The following C1QBP variants were observed in gnomAD, a reference collection of about 807,000 sequenced individuals.
C1QBP encodes the protein complement C1q binding protein, also known as complement component 1 Q subcomponent-binding protein, mitochondrial.
In C1QBP, 24 loss-of-function variants were observed where a neutral mutation model predicts 29.4. That is an observed-to-expected ratio of 0.82 (90% CI 0.59 to 1.15). The LOEUF (loss-of-function observed/expected upper bound fraction) is 1.15, where lower values mean the gene tolerates loss of function less well. Among genes scored for constraint, C1QBP ranks in the 50% most tolerant of loss-of-function variants. The probability of loss-of-function intolerance (pLI) is 0.00; values close to 1 mark genes in which losing one functional copy is unlikely to be tolerated. For missense variants in C1QBP, 337 were observed against 355.8 expected (o/e 0.95, Z 0.43); for synonymous variants, 182 against 149.2 (o/e 1.22, Z -1.60).
intron 3 of C1QBP, 60 bp downstream of exon 3, chr17:5,434,813 C>G (rs1313597690): frequency 1.3e-6 from 2 of 1,496,740 alleles, no homozygotes; most frequent in Non-Finnish European, 1.9e-6. Context: ...CGCTCCTCCT[C>G]TAAGCCCCAG....
At chr17:5,438,310 A>G (rs775273251) in intron 1 of C1QBP, 37 bp from the exon 2 acceptor site, 6 of 1,605,580 alleles carry the variant, frequency 3.7e-6, no homozygotes, top group Admixed American at 3.4e-5. Flanking sequence ...AAGGAAAGCC[A>G]GTTAGTCTAA....
intron 3 of C1QBP, among the ~76,000 whole-genome samples, chr17:5,434,505 G>A (rs1173271208): frequency 2.5e-5 from 3 of 119,702 alleles, no homozygotes; most frequent in Non-Finnish European, 4.8e-5. Context: ...GTCTTGCTCT[G>A]TCGCCAGGCT....
At chr17:5,437,693 C>T (rs1043603647) in intron 2 of C1QBP, among the ~76,000 whole-genome samples, 2 of 152,218 alleles carry the variant, frequency 1.3e-5, no homozygotes, top group Admixed American at 6.5e-5. Context: ...AGTGTAAACA[C>T]TTTAACAGTT....
chr17:5,438,397 T>C (rs1916332368), intron 1 of C1QBP, 124 bp from the exon 2 acceptor site: 4 of 1,194,472 alleles, frequency 3.3e-6, no homozygotes, highest in Non-Finnish European at 4.6e-6. Context: ...ACGGTTACTC[T>C]AGAAGCCTGT....
In C1QBP at chr17:5,438,651, C is replaced by G. The variant is rs1245161257; in HGVS notation, c.232+191G>C. The G allele has an allele frequency of 2.5e-6, 3 of 1,205,060 alleles. No homozygotes were observed. In the East Asian group the frequency reaches 8.1e-5, roughly 32 times the overall value. 74.6% of individuals were successfully genotyped at this position (1,205,060 alleles called of 1,614,324 possible). A position where few individuals can be genotyped will look rare whatever the true frequency, so the allele number is the denominator to read the frequency against. On this transcript the variant is annotated intron_variant, in intron 1 of 5. Transcript: ENST00000225698. ...ACCCTAGTATTTAATTTTATTCACC[C>G]CCTACCAAAAGAAAACGAAACTGCT...
chr17:5,433,880 A>G, intron 3 of C1QBP, 113 bp from the exon 4 acceptor site: 1 of 909,280 alleles, frequency 1.1e-6, no homozygotes, highest in Non-Finnish European at 1.8e-6. Flanking sequence ...TTATGTAGCC[A>G]TTTGAATAGT....
Position 5,433,029 on chromosome 17 carries a change from C to G in C1QBP, c.835G>C (p.Val279Leu). Residue 279 changes from valine (V) to leucine (L), a missense_variant, in exon 6 of 6, where the codon GTC becomes CTC. Val to Leu is a conservative substitution (Grantham distance 32, BLOSUM62 1). Transcript: ENST00000225698. Reference sequence around the variant, plus strand: ...ATCTGTCTGCTCTACTGGCTCTTGACAAAACTCTTGAGGTCTTCAAGAAAA... The same window carrying G: ...ATCTGTCTGCTCTACTGGCTCTTGAGAAAACTCTTGAGGTCTTCAAGAAAA... ...ITFLEDLKSF[V>L]KSQ 6.2e-7 allele frequency: 1 copy of G among 1,612,832 alleles called. No homozygotes were observed. The highest frequency in any genetic ancestry group is 2.2e-5 in the East Asian group (1 of 44,870).
intron 2 of C1QBP, among the ~76,000 whole-genome samples, chr17:5,437,820 A>T (rs899286484): frequency 6.6e-6 from 1 of 152,202 alleles, no homozygotes; most frequent in Non-Finnish European, 1.5e-5. Context: ...ATTTTCACCC[A>T]TACTAAACAT....
rs754781155 is a variant in C1QBP, at chr17:5,433,311, GTT to G, written c.679_680del (p.Asn227HisfsTer10). The G allele has an allele frequency of 6.2e-7, 1 of 1,614,194 alleles. No individual in the cohort carries two copies. The highest frequency in any genetic ancestry group is 8.5e-7 in the Non-Finnish European group (1 of 1,180,036). On this transcript the variant is annotated frameshift_variant, in exon 5 of 6. Transcript: ENST00000225698. LOFTEE classifies it high-confidence loss of function. ...CACTCACCCAGTCCAAGGAATCTGT[GTT>G]GAGTGTATAATTAGTATCCTTCCAT... is the stretch of plus-strand genomic sequence containing the variant. ...SEWKDTNYTL[N>X]TDSLDWALYD...
rs777043143 is a variant in C1QBP at position 5,436,836 on chromosome 17, G to A, written c.383+1287C>T. ...ACTTTGAGACCAGCCTGGCCAACAC[G>A]GTGAAACCCTGTCTCTACTAAAAAT... On this transcript the variant is annotated intron_variant, in intron 2 of 5. Transcript: ENST00000225698. Among the ~76,000 whole-genome samples, 50 of 152,112 alleles carry A rather than the reference G, an allele frequency of 3.3e-4. 1 individual carries two copies. The highest frequency in any genetic ancestry group is 1.3e-4 in the Non-Finnish European group (9 of 68,022).
At chr17:5,437,671 AT>A (rs41315140) in intron 2 of C1QBP, among the ~76,000 whole-genome samples, 2,319 of 152,350 alleles carry the variant, frequency 0.015, 52 homozygotes, top group African/African-American at 0.052. Context: ...ATGGATGACT[AT>A]AATGCAGAAA....
chr17:5,438,805 T>C (rs1482547771), intron 1 of C1QBP, 37 bp downstream of exon 1: 1 of 1,546,988 alleles, frequency 6.5e-7, no homozygotes, highest in African/African-American at 1.4e-5. Flanking sequence ...TTCCCTCTGT[T>C]GAACGCAAAC....
At chr17:5,435,683 T>C (rs1916249138) in intron 2 of C1QBP, among the ~76,000 whole-genome samples, 1 of 151,514 alleles carries the variant, frequency 6.6e-6, no homozygotes, top group Non-Finnish European at 1.5e-5. Flanking sequence ...GGACATAAGG[T>C]TTAGAACCAA....
chr17:5,432,882 A>G lies in C1QBP; in HGVS notation c.*133T>C. 9.1e-7 allele frequency: 1 copy of G among 1,093,732 alleles called. No homozygotes were observed. The highest frequency in any genetic ancestry group is 1.3e-6 in the Non-Finnish European group (1 of 787,482). 67.8% of individuals were successfully genotyped at this position (1,093,732 alleles called of 1,614,324 possible). On this transcript the variant is annotated 3_prime_UTR_variant, in exon 6 of 6. Coordinates refer to ENST00000225698, the MANE Select transcript of C1QBP (RefSeq NM_001212.4). ...AATAAATGAGAACACAAAACATATA[A>G]TTTAAATTTGGTATTTTTTCCCCCA...
chr17:5,437,139 G>A (rs967396632), intron 2 of C1QBP, among the ~76,000 whole-genome samples: 10 of 152,300 alleles, frequency 6.6e-5, no homozygotes, highest in Admixed American at 6.5e-4. Context: ...CTGCTAATAG[G>A]TATTGTTTGG....
At position 5,433,285 on chromosome 17, in the gene C1QBP, G is replaced by C. The variant is rs770630601; in HGVS notation, c.699+8C>G. 6.8e-6 allele frequency: 11 copies of C among 1,613,982 alleles called. No individual in the cohort carries two copies. The highest frequency in any genetic ancestry group is 9.3e-6 in the Non-Finnish European group (11 of 1,180,024). On this transcript the variant is annotated splice_region_variant and intron_variant, in intron 5 of 5. Transcript: ENST00000225698. ...CCAAAAGGTTCCCCCACCTTATCAA[G>C]CACTCACCCAGTCCAAGGAATCTGT...
At position 5,433,071 on chromosome 17, in the gene C1QBP, G is replaced by A; in HGVS notation, c.793C>T (p.His265Tyr). 2 of 1,614,000 alleles carry A rather than the reference G, an allele frequency of 1.2e-6. No individual in the cohort carries two copies. Among genetic ancestry groups the A allele is most frequent in the South Asian group, 2.2e-5 (2 of 91,048 alleles). ...ELVELSTALE[H>Y]QEYITFLEDL... ...TCAAGAAAAGTAATGTACTCCTGGT[G>A]CTCCAGGGCTGTGCTGAGCTCCACC... The change falls in exon 6 of 6, where the codon CAC becomes TAC. Residue 265 changes from histidine to tyrosine, a missense_variant. His to Tyr is a moderately conservative substitution (Grantham distance 83). Coordinates refer to ENST00000225698, the MANE Select transcript of C1QBP (RefSeq NM_001212.4).
intron 2 of C1QBP, among the ~76,000 whole-genome samples, chr17:5,435,985 G>T (rs1916261425): frequency 6.8e-6 from 1 of 146,772 alleles, no homozygotes; most frequent in South Asian, 2.2e-4. Context: ...GGTGGAGGTT[G>T]CAGTGAGCCG....
chr17:5,433,860 T>C (rs1916181885), intron 3 of C1QBP, 93 bp from the exon 4 acceptor site: 1 of 1,036,886 alleles, frequency 9.6e-7, no homozygotes, highest in Non-Finnish European at 1.5e-6. Flanking sequence ...TGGCCACCAC[T>C]ATTAGGATAT....
Sources: allele counts gnomAD v4.1 joint callset (sites outside exome capture counted in the v4.1 genomes callset), GRCh38; gene constraint gnomAD v4.1.1; transcripts MANE v1.5; gene names NCBI Gene and HGNC (gene_info 2026-07-23, HGNC 2026-07-21).